THAP12: variants seen among roughly 807,000 people sequenced by gnomAD.
The protein encoded by THAP12 is 52 kDa repressor of the inhibitor of the protein kinase.
In THAP12, 20 loss-of-function variants were observed where a neutral mutation model predicts 63.0. That is an observed-to-expected ratio of 0.32 (90% CI 0.22 to 0.46). The LOEUF (loss-of-function observed/expected upper bound fraction) is 0.46. Among genes scored for constraint, THAP12 ranks in the 20% least tolerant of loss-of-function variants. The probability of loss-of-function intolerance (pLI) is 1.00; values close to 1 mark genes in which losing one functional copy is unlikely to be tolerated. For synonymous variants in THAP12, 264 were observed against 328.4 expected, an observed-to-expected ratio of 0.80 and a Z score of 2.12; for missense variants, 568 against 908.2, an observed-to-expected ratio of 0.63 and a Z score of 4.81.
At chr11:76,368,447 A>G (rs962058543) in intron 1 of THAP12, 2 of 152,206 alleles carry the variant, frequency 1.3e-5, no homozygotes, top group African/African-American at 4.8e-5. Flanking sequence ...AGAAATGACA[A>G]ATTATTCTAA....
At chr11:76,361,627 T>C (rs1946598407) in intron 2 of THAP12, among the ~76,000 whole-genome samples, 1 of 152,284 alleles carries the variant, frequency 6.6e-6, no homozygotes, top group Middle Eastern at 3.4e-3. Context: ...TTTTTCTGAA[T>C]AAAATTCTGG....
At chr11:76,374,816 T>C (rs1036173734) in intron 1 of THAP12, among the ~76,000 whole-genome samples, 2 of 152,180 alleles carry the variant, frequency 1.3e-5, no homozygotes, top group East Asian at 1.9e-4. Context: ...TCAAAATTCA[T>C]ATTGAAACAA....
At chr11:76,380,712 T>TG in intron 1 of THAP12, 36 bp downstream of exon 1, 1 of 1,350,790 alleles carries the variant, frequency 7.4e-7, no homozygotes, top group Non-Finnish European at 9.6e-7. Flanking sequence ...ACCGCGAAGG[T>TG]GGGCCCGGGC....
chr11:76,371,131 A>G (rs1219634025), intron 1 of THAP12, among the ~76,000 whole-genome samples: 2 of 152,076 alleles, frequency 1.3e-5, no homozygotes, highest in Non-Finnish European at 2.9e-5. Context: ...GTCTACTAGT[A>G]TCTCTTCCAA....
chr11:76,377,584 A>G (rs971023345), intron 1 of THAP12, among the ~76,000 whole-genome samples: 2 of 152,244 alleles, frequency 1.3e-5, no homozygotes, highest in East Asian at 3.8e-4. Context: ...CTGGCACTTC[A>G]TTCCTTTTCA....
Position 76,352,780 on chromosome 11 carries a change from C to T in THAP12, c.370G>A (p.Glu124Lys). ...LKQKKIDETSEQEQKHKETNN... is the reference protein window; with the variant it reads ...LKQKKIDETSKQEQKHKETNN... ...GTTTCTTTATGTTTTTGTTCCTGCT[C>T]AGAAGTTTCATCAACTGGAAAACAA... The change falls in exon 5 of 5, where the codon GAG becomes AAG. Residue 124 changes from glutamate (E) to lysine (K), a missense_variant. Coordinates refer to ENST00000260045, the MANE Select transcript of THAP12 (RefSeq NM_004705.4). The T allele has an allele frequency of 6.6e-7, 1 of 1,514,700 alleles. No homozygotes were observed. Among genetic ancestry groups the T allele is most frequent in the Non-Finnish European group, 8.8e-7 (1 of 1,133,038 alleles). The allele number at this position is 1,514,700 out of a possible 1,614,324, so 93.8% of individuals were successfully genotyped here. A position where few individuals can be genotyped will look rare whatever the true frequency, so the allele number is the denominator to read the frequency against.
At position 76,381,030 on chromosome 11, in the gene THAP12, G is replaced by A; in HGVS notation, c.-194C>T. 1 of 239,384 alleles carries A rather than the reference G, an allele frequency of 4.2e-6. No homozygotes were observed. Among genetic ancestry groups the A allele is most frequent in the Non-Finnish European group, 7.9e-6 (1 of 127,198 alleles). The allele number at this position is 239,384 out of a possible 1,614,324, so 14.8% of individuals were successfully genotyped here. A position where few individuals can be genotyped will look rare whatever the true frequency, so the allele number is the denominator to read the frequency against. On this transcript the variant is annotated 5_prime_UTR_variant, in exon 1 of 5. Transcript: ENST00000260045. The stretch of plus-strand genomic sequence containing the variant: ...CGCGGTCCGAGGCCGGGCTGGGGAC[G>A]CGGCTCCACAGTGCTGTGAGCGGCC...
chr11:76,357,736 C>T (rs979775148), intron 3 of THAP12: 8 of 152,096 alleles, frequency 5.3e-5, no homozygotes. Context: ...AATTCCACAT[C>T]TGGAAACTAA....
chr11:76,352,720 C>G lies in THAP12; in HGVS notation c.430G>C (p.Glu144Gln). 6.2e-7 allele frequency: 1 copy of G among 1,607,140 alleles called. No individual in the cohort carries two copies. Among genetic ancestry groups the G allele is most frequent in the Non-Finnish European group, 8.5e-7 (1 of 1,177,670 alleles). ...NSNAQNPSEE[E>Q]GEGQDEDILP... ...ATGTCCTCATCTTGCCCTTCACCCTCTTCTTCGCTGGGGTTCTGAGCATTG... is the reference window on the plus strand; with the variant it reads ...ATGTCCTCATCTTGCCCTTCACCCTGTTCTTCGCTGGGGTTCTGAGCATTG... Residue 144 changes from glutamate to glutamine, a missense_variant, in exon 5 of 5, where the codon GAG (glutamate) becomes CAG (glutamine). Coordinates refer to ENST00000260045, the MANE Select transcript of THAP12 (RefSeq NM_004705.4).
chr11:76,377,863 C>T (rs967560962), intron 1 of THAP12, among the ~76,000 whole-genome samples: 2 of 152,158 alleles, frequency 1.3e-5, no homozygotes, highest in African/African-American at 4.8e-5. Flanking sequence ...TTTTCATGTG[C>T]TTTTTAGCCA....
intron 3 of THAP12, chr11:76,359,249 C>T (rs1228738399): frequency 1.3e-5 from 2 of 152,162 alleles, no homozygotes; most frequent in Admixed American, 6.6e-5. Flanking sequence ...TTCTGTACTC[C>T]TAAAAGTATT....
chr11:76,355,437 A>G (rs1409422342), intron 4 of THAP12, among the ~76,000 whole-genome samples, 181 bp downstream of exon 4: 5 of 151,940 alleles, frequency 3.3e-5, no homozygotes, highest in Non-Finnish European at 5.9e-5. Flanking sequence ...CACTCAATAA[A>G]GACAAACTAA....
chr11:76,360,511 G>T (rs1946591279), intron 3 of THAP12, among the ~76,000 whole-genome samples: 2 of 152,084 alleles, frequency 1.3e-5, no homozygotes, highest in Admixed American at 6.6e-5. Context: ...AAATTTCAGT[G>T]TTTTTTTCTA....
intron 1 of THAP12, among the ~76,000 whole-genome samples, chr11:76,376,517 G>A (rs1247137188): frequency 6.6e-6 from 1 of 152,044 alleles, no homozygotes; most frequent in African/African-American, 2.4e-5. Flanking sequence ...ATCATTAGAG[G>A]TGTTTTAGCA....
intron 3 of THAP12, chr11:76,357,159 T>G (rs1477767873): frequency 6.6e-6 from 1 of 152,178 alleles, no homozygotes; most frequent in East Asian, 1.9e-4. Context: ...CTACATTGTA[T>G]TAGGTATTAT....
chr11:76,363,612 A>T (rs1175251555), intron 2 of THAP12, among the ~76,000 whole-genome samples: 1 of 139,386 alleles, frequency 7.2e-6, no homozygotes. Flanking sequence ...TTTTTGAGAC[A>T]CAGTCTCACT....
intron 1 of THAP12, among the ~76,000 whole-genome samples, chr11:76,375,690 G>A (rs1411721029): frequency 7.5e-6 from 1 of 133,302 alleles, no homozygotes; most frequent in Admixed American, 9.3e-5. Flanking sequence ...TTGAAGACTA[G>A]ACTGGCAATG....
intron 3 of THAP12, chr11:76,357,573 TAAA>T (rs1239338937): frequency 6.6e-6 from 1 of 151,900 alleles, no homozygotes; most frequent in Admixed American, 6.6e-5. Context: ...GAAGATTACC[TAAA>T]AAGGAACAAG....
intron 1 of THAP12, among the ~76,000 whole-genome samples, chr11:76,376,872 G>C (rs1018799782): frequency 2.0e-5 from 3 of 152,034 alleles, no homozygotes; most frequent in East Asian, 3.8e-4. Flanking sequence ...AACTGACTAG[G>C]GGTGCCCTCA....
Sources: gnomAD v4.1 joint callset for allele counts (sites outside exome capture counted in the v4.1 genomes callset) on GRCh38, gnomAD v4.1.1 for gene constraint, MANE v1.5 for transcripts, NCBI Gene and HGNC (gene_info 2026-07-23, HGNC 2026-07-21) for gene names.